Variants in DCDC2C observed in about 807,000 individuals in gnomAD.
DCDC2C encodes doublecortin domain-containing protein 2C.
In DCDC2C, 44 loss-of-function variants were observed where a neutral mutation model predicts 45.0. The observed-to-expected ratio is 0.98, with a 90% CI of 0.77 to 1.26. The LOEUF (loss-of-function observed/expected upper bound fraction) is 1.26, where lower values mean the gene tolerates loss of function less well. Ranked by LOEUF, DCDC2C falls within the 50% of genes most tolerant of loss-of-function variation. DCDC2C has a pLI of 0.00. For synonymous variants in DCDC2C, 187 were observed against 178.8 expected, an observed-to-expected ratio of 1.05 and a Z score of -0.37; for missense variants, 447 against 468.9, an observed-to-expected ratio of 0.95 and a Z score of 0.43.
chr2:3,726,944 G>GT, intron 2 of DCDC2C, 59 bp from the exon 3 acceptor site: 1 of 1,453,056 alleles, frequency 6.9e-7, no homozygotes, highest in Non-Finnish European at 9.4e-7. Flanking sequence ...ACACTGTTGA[G>GT]TTTGATGAGT....
chr2:3,797,007 T>C (rs1012989414), intron 10 of DCDC2C, among the ~76,000 whole-genome samples: 3 of 152,178 alleles, frequency 2.0e-5, no homozygotes, highest in African/African-American at 7.2e-5. Flanking sequence ...CCTGGACTCT[T>C]TTTGGTTGGT....
intron 10 of DCDC2C, among the ~76,000 whole-genome samples, chr2:3,789,934 A>G (rs967279805): frequency 6.6e-6 from 1 of 152,234 alleles, no homozygotes; most frequent in African/African-American, 2.4e-5. Flanking sequence ...GGAGTTATCT[A>G]TGATTGATTA....
intron 1 of DCDC2C, among the ~76,000 whole-genome samples, chr2:3,707,166 A>G (rs1668085651): frequency 1.3e-5 from 2 of 152,214 alleles, no homozygotes; most frequent in South Asian, 4.1e-4. Flanking sequence ...ACCTCAGGTC[A>G]TGGGCTGTCT....
At chr2:3,837,816 G>A (rs1672118346) in intron 10 of DCDC2C, among the ~76,000 whole-genome samples, 1 of 152,180 alleles carries the variant, frequency 6.6e-6, no homozygotes, top group Admixed American at 6.5e-5. Flanking sequence ...CGTGCGTGGT[G>A]GGAGGGTTGG....
chr2:3,763,023 T>G (rs528190536), intron 6 of DCDC2C, among the ~76,000 whole-genome samples: 2 of 152,184 alleles, frequency 1.3e-5, no homozygotes, highest in South Asian at 4.2e-4. Context: ...TGAGGGGACA[T>G]GGACCTTGAG....
At chr2:3,833,944 C>T (rs970290693) in intron 10 of DCDC2C, among the ~76,000 whole-genome samples, 1 of 152,114 alleles carries the variant, frequency 6.6e-6, no homozygotes, top group Non-Finnish European at 1.5e-5. Flanking sequence ...TGTGACAACA[C>T]CGATTTTGAG....
Position 3,758,903 on chromosome 2 carries a change from G to T in DCDC2C, c.726+4269G>T, listed in dbSNP as rs529108256. On this transcript the variant is annotated intron_variant, in intron 6 of 10. Transcript: ENST00000399143. ...TCACAAACTAGCCTAGATTTCAGGA[G>T]GTGGAGAAATAGGCTCTCCCTCAAC... is the stretch of plus-strand genomic sequence containing the variant. Among the ~76,000 whole-genome samples, 13 of 152,310 alleles carry T rather than the reference G, an allele frequency of 8.5e-5. No homozygotes were observed. In the South Asian group the frequency reaches 1.9e-3, roughly 22 times the overall value.
At chr2:3,729,991 G>A (rs550215195) in intron 3 of DCDC2C, among the ~76,000 whole-genome samples, 1 of 152,278 alleles carries the variant, frequency 6.6e-6, no homozygotes, top group South Asian at 2.1e-4. Context: ...TCTATTCCTT[G>A]TAGAACAACC....
At chr2:3,747,681 A>G (rs769560512) in intron 4 of DCDC2C, among the ~76,000 whole-genome samples, 1 of 152,230 alleles carries the variant, frequency 6.6e-6, no homozygotes, top group Non-Finnish European at 1.5e-5. Context: ...CTTTGGCTTC[A>G]TAACATACAG....
intron 1 of DCDC2C, among the ~76,000 whole-genome samples, chr2:3,707,032 C>T (rs1668081167): frequency 6.6e-6 from 1 of 152,164 alleles, no homozygotes; most frequent in African/African-American, 2.4e-5. Flanking sequence ...CCTTTGTTCT[C>T]TGGAAGTAGC....
At chr2:3,778,671 T>C (rs1670421794) in intron 8 of DCDC2C, 145 bp from the exon 9 acceptor site, 1 of 685,506 alleles carries the variant, frequency 1.5e-6, no homozygotes, top group Non-Finnish European at 2.5e-6. Flanking sequence ...GTGGATGCCA[T>C]CCTGCATCTG....
chr2:3,744,246 G>A lies in DCDC2C; in HGVS notation c.545+2198G>A, dbSNP rs987638369. Among the ~76,000 whole-genome samples, 7 of 152,202 alleles carry A rather than the reference G, an allele frequency of 4.6e-5. No individual in the cohort carries two copies. In the East Asian group the frequency reaches 1.4e-3, roughly 29 times the overall value. On this transcript the variant is annotated intron_variant, in intron 4 of 10. Transcript: ENST00000399143. ...GGTCCATGAGGTGAGAGCAGAGAGGGACAGGGAGGGATGGAGGCTCATGGC... is the reference window on the plus strand; with the variant it reads ...GGTCCATGAGGTGAGAGCAGAGAGGAACAGGGAGGGATGGAGGCTCATGGC...
At chr2:3,782,117 C>T (rs991734986) in intron 9 of DCDC2C, among the ~76,000 whole-genome samples, 4 of 152,154 alleles carry the variant, frequency 2.6e-5, no homozygotes, top group African/African-American at 4.8e-5. Flanking sequence ...CCCTGTCCTG[C>T]GCTAACTCCC....
At chr2:3,824,431 C>T (rs1324040614) in intron 10 of DCDC2C, among the ~76,000 whole-genome samples, 2 of 152,150 alleles carry the variant, frequency 1.3e-5, no homozygotes, top group East Asian at 1.9e-4. Context: ...CGTATGAAAA[C>T]AGATGGTGGG....
intron 10 of DCDC2C, among the ~76,000 whole-genome samples, chr2:3,801,019 T>G (rs573301589): frequency 2.5e-4 from 38 of 152,316 alleles, no homozygotes; most frequent in African/African-American, 8.7e-4. Context: ...ACAATGAGCA[T>G]AGTTTCAACT....
At chr2:3,799,937 C>T (rs1258064964) in intron 10 of DCDC2C, among the ~76,000 whole-genome samples, 1 of 152,254 alleles carries the variant, frequency 6.6e-6, no homozygotes, top group Non-Finnish European at 1.5e-5. Flanking sequence ...CTAAGCAATC[C>T]TGGGCAATGG....
In DCDC2C at chr2:3,837,622, A is replaced by ATACAGTATCAAGAG. The variant is rs1558249632; in HGVS notation, c.1066-9532_1066-9531insTACAGTATCAAGAG. 1.8e-4 allele frequency among the ~76,000 whole-genome samples: 23 copies of ATACAGTATCAAGAG among 124,570 alleles called. 5 individuals carry two copies. The highest frequency in any genetic ancestry group is 2.2e-4 in the African/African-American group (8 of 35,742). The allele number at this position is 124,570 out of a possible 152,430, so 81.7% of individuals were successfully genotyped here. A position where few individuals can be genotyped will look rare whatever the true frequency, so the allele number is the denominator to read the frequency against. ...TCATCTAAAGGGGAAGAAACTGAGG[A>ATACAGTATCAAGAG]AGAAATCAGCCTTTGGCTCCCCCTT... On this transcript the variant is annotated intron_variant, in intron 10 of 10. Transcript: ENST00000399143.
chr2:3,725,700 G>GGAAGACGAGCAGAGAGGGAGGAGGCT (rs1668646225), intron 2 of DCDC2C, among the ~76,000 whole-genome samples: 9 of 151,284 alleles, frequency 5.9e-5, no homozygotes, highest in Non-Finnish European at 7.4e-5. Context: ...GGATCCCAGA[G>GGAAGACGAGCAGAGAGGGAGGAGGCT]GGAGATGAGC....
chr2:3,719,374 C>T (rs1372797888), intron 2 of DCDC2C, among the ~76,000 whole-genome samples: 7 of 152,222 alleles, frequency 4.6e-5, no homozygotes, highest in Admixed American at 1.3e-4. Flanking sequence ...TGTGAGCCAC[C>T]GTGCCCAGCC....
Sources: allele counts gnomAD v4.1 joint callset (sites outside exome capture counted in the v4.1 genomes callset), GRCh38; gene constraint gnomAD v4.1.1; transcripts MANE v1.5; gene names NCBI Gene and HGNC (gene_info 2026-07-23, HGNC 2026-07-21).